SEMA6D: variants seen among roughly 807,000 people sequenced by gnomAD.
SEMA6D encodes semaphorin-6D.
Under a neutral mutation model 106.6 loss-of-function variants are expected in SEMA6D, and 35 were observed. That is an observed-to-expected ratio of 0.33 (90% CI 0.25 to 0.44). SEMA6D has a LOEUF of 0.44. SEMA6D is among the 20% of genes least tolerant of loss of function. The pLI is 1.00. For missense variants in SEMA6D, 1,185 were observed against 1,345.9 expected (o/e 0.88, Z 1.87); for synonymous variants, 499 against 487.7 (o/e 1.02, Z -0.31).
At chr15:47,720,261 C>CTTTTTTTTTTTTT (rs869122623) in intron 1 of SEMA6D, among the ~76,000 whole-genome samples, 3 of 97,166 alleles carry the variant, frequency 3.1e-5, no homozygotes, top group Admixed American at 2.3e-4. Context: ...AATAACCTTT[C>CTTTTTTTTTTTTT]TTTTTTTTTT....
At chr15:47,700,236 A>G (rs114006797) in intron 4 of SEMA6D, among the ~76,000 whole-genome samples, 2,981 of 152,290 alleles carry the variant, frequency 0.02, 85 homozygotes, top group African/African-American at 0.068. Context: ...TGCAATCCCA[A>G]TCAAAATCCT....
At chr15:47,204,934 G>A (rs1894958223) in intron 1 of SEMA6D, among the ~76,000 whole-genome samples, 1 of 152,064 alleles carries the variant, frequency 6.6e-6, no homozygotes, top group African/African-American at 2.4e-5. Context: ...AAAACCTTGG[G>A]GGGAGAAGGG....
At chr15:47,292,028 A>G (rs144946578) in intron 1 of SEMA6D, among the ~76,000 whole-genome samples, 99 of 152,362 alleles carry the variant, frequency 6.5e-4, no homozygotes, top group African/African-American at 2.2e-3. Context: ...TTCTCAGGAA[A>G]TCTCTTTTCT....
intron 1 of SEMA6D, among the ~76,000 whole-genome samples, chr15:47,273,516 A>G (rs2034656736): frequency 6.6e-6 from 1 of 152,224 alleles, no homozygotes; most frequent in Non-Finnish European, 1.5e-5. Context: ...GGCCTTGAAA[A>G]TAACACCAAA....
intron 3 of SEMA6D, among the ~76,000 whole-genome samples, chr15:47,488,398 G>C (rs528686415): frequency 1.1e-3 from 168 of 151,586 alleles, no homozygotes; most frequent in Admixed American, 3.7e-3. Flanking sequence ...CTATACATGT[G>C]ATTTTCAACT....
chr15:47,749,323 T>C (rs1243387305), intron 1 of SEMA6D, among the ~76,000 whole-genome samples: 2 of 152,102 alleles, frequency 1.3e-5, no homozygotes, highest in Non-Finnish European at 2.9e-5. Context: ...TCAAGTGATC[T>C]GACCACCTTG....
At chr15:47,571,081 C>T (rs1293479780) in intron 3 of SEMA6D, among the ~76,000 whole-genome samples, 1 of 152,084 alleles carries the variant, frequency 6.6e-6, no homozygotes, top group Non-Finnish European at 1.5e-5. Context: ...CTCCCCTCCC[C>T]ACTCTTCTCC....
At chr15:47,640,720 GTGT>G (rs2077473619) in intron 4 of SEMA6D, among the ~76,000 whole-genome samples, 1 of 152,168 alleles carries the variant, frequency 6.6e-6, no homozygotes, top group Admixed American at 6.5e-5. Context: ...TGAAGCAAAA[GTGT>G]TGTTATATAA....
chr15:47,593,945 A>G (rs1395061643), intron 3 of SEMA6D, among the ~76,000 whole-genome samples: 1 of 152,166 alleles, frequency 6.6e-6, no homozygotes, highest in Non-Finnish European at 1.5e-5. Context: ...TGAGCTAGTC[A>G]GCTCCCGCCA....
At chr15:47,725,302 T>C (rs1208441210) in intron 1 of SEMA6D, among the ~76,000 whole-genome samples, 3 of 152,182 alleles carry the variant, frequency 2.0e-5, no homozygotes, top group Non-Finnish European at 4.4e-5. Context: ...AATGCGCTAA[T>C]TGAGTTTAAC....
intron 2 of SEMA6D, among the ~76,000 whole-genome samples, chr15:47,438,691 A>T (rs904678502): frequency 1.3e-5 from 2 of 151,190 alleles, no homozygotes; most frequent in East Asian, 2.0e-4. Flanking sequence ...CTCAGATATC[A>T]CCCTAATGGG....
chr15:47,422,778 T>C (rs2041214110), intron 2 of SEMA6D, among the ~76,000 whole-genome samples: 2 of 152,120 alleles, frequency 1.3e-5, no homozygotes. Flanking sequence ...TCAGAGCATT[T>C]TTGGCATATG....
chr15:47,367,692 G>GCGCA (rs1219759915), intron 1 of SEMA6D, among the ~76,000 whole-genome samples: 117 of 73,498 alleles, frequency 1.6e-3, no homozygotes, highest in African/African-American at 4.4e-3. Context: ...GCGCGCGCGC[G>GCGCA]CACACACACA....
At chr15:47,484,442 G>A (rs1567112560) in intron 3 of SEMA6D, among the ~76,000 whole-genome samples, 5 of 151,888 alleles carry the variant, frequency 3.3e-5, no homozygotes, top group Non-Finnish European at 5.9e-5. Flanking sequence ...TGGTACTTTC[G>A]AAACACCTCC....
At chr15:47,267,223 T>C (rs894155189) in intron 1 of SEMA6D, among the ~76,000 whole-genome samples, 1 of 152,154 alleles carries the variant, frequency 6.6e-6, no homozygotes, top group Non-Finnish European at 1.5e-5. Flanking sequence ...AAAATATTCT[T>C]GATATATACT....
intron 1 of SEMA6D, among the ~76,000 whole-genome samples, chr15:47,746,997 T>TATATATATAC (rs1172239383): frequency 1.7e-4 from 26 of 149,766 alleles, no homozygotes; most frequent in African/African-American, 6.3e-4. Flanking sequence ...TATATATATA[T>TATATATATAC]ATATATTTCG....
At chr15:47,678,171 G>T (rs2078282214) in intron 4 of SEMA6D, among the ~76,000 whole-genome samples, 2 of 151,994 alleles carry the variant, frequency 1.3e-5, no homozygotes, top group Admixed American at 6.6e-5. Context: ...GGACCTCAAG[G>T]TCATCTCATC....
chr15:47,595,944 G>C (rs1401313613), intron 3 of SEMA6D, among the ~76,000 whole-genome samples: 1 of 152,026 alleles, frequency 6.6e-6, no homozygotes, highest in Non-Finnish European at 1.5e-5. Context: ...GTCCTTGCCA[G>C]AGTAATTAAG....
intron 3 of SEMA6D, among the ~76,000 whole-genome samples, chr15:47,493,385 A>T (rs2043533122): frequency 6.6e-6 from 1 of 152,192 alleles, no homozygotes; most frequent in Non-Finnish European, 1.5e-5. Context: ...AAGCATCATC[A>T]GGGTCAATGT....
Sources: gnomAD v4.1 joint callset for allele counts (sites outside exome capture counted in the v4.1 genomes callset) on GRCh38, gnomAD v4.1.1 for gene constraint, MANE v1.5 for transcripts, NCBI Gene and HGNC (gene_info 2026-07-23, HGNC 2026-07-21) for gene names.